The following TFAP2D variants were observed in gnomAD, a reference collection of about 807,000 sequenced individuals.
TFAP2D encodes transcription factor AP-2-delta.
Under a neutral mutation model 43.6 loss-of-function variants are expected in TFAP2D, and 9 were observed. That is an observed-to-expected ratio of 0.21 (90% confidence interval 0.12 to 0.36). TFAP2D has a LOEUF of 0.36. TFAP2D is among the 10% of genes least tolerant of loss of function. The pLI, the probability that TFAP2D is intolerant of heterozygous loss-of-function variation, is 1.00. For missense variants in TFAP2D, 513 were observed against 561.4 expected (o/e 0.91, Z 0.87); for synonymous variants, 256 against 224.9 (o/e 1.14, Z -1.24).
intron 7 of TFAP2D, among the ~76,000 whole-genome samples, chr6:50,763,605 C>T (rs965204989): frequency 9.9e-5 from 15 of 152,142 alleles, no homozygotes; most frequent in African/African-American, 3.6e-4. Context: ...AATACTAACA[C>T]TTCAGCTTTT....
In TFAP2D at chr6:50,743,336, A is replaced by C. The variant is rs547047187; in HGVS notation, c.884-1771A>C. ...CTAGAACAGGAGGTCTCACCTTGTG[A>C]GAATGAAAAAAATAGTATATTTTGT... On this transcript the variant is annotated intron_variant, in intron 5 of 7. Coordinates refer to ENST00000008391, the MANE Select transcript of TFAP2D (RefSeq NM_172238.4). Among the ~76,000 whole-genome samples, 3 of 151,324 alleles carry C rather than the reference A, an allele frequency of 2.0e-5. No individual in the cohort carries two copies. In the Admixed American group the frequency reaches 2.0e-4, roughly 10 times the overall value.
chr6:50,756,448 A>C (rs541776527), intron 7 of TFAP2D, among the ~76,000 whole-genome samples: 2 of 152,216 alleles, frequency 1.3e-5, no homozygotes, highest in African/African-American at 4.8e-5. Context: ...ACCACTTAAA[A>C]GTATACCTTA....
intron 5 of TFAP2D, among the ~76,000 whole-genome samples, chr6:50,744,686 GA>G (rs1424921337): frequency 2.6e-5 from 4 of 152,022 alleles, no homozygotes; most frequent in Non-Finnish European, 5.9e-5. Flanking sequence ...AGGTCTCATG[GA>G]AAAAACATCT....
intron 5 of TFAP2D, among the ~76,000 whole-genome samples, chr6:50,742,954 A>AACACACACACACACACACACAC (rs3060372): frequency 5.2e-4 from 73 of 139,704 alleles, no homozygotes; most frequent in South Asian, 2.5e-3. Flanking sequence ...ACGACTTTAA[A>AACACACACACACACACACACAC]ACACACACAC....
Position 50,733,022 on chromosome 6 carries a change from C to T in TFAP2D, c.883+3710C>T, listed in dbSNP as rs144391052. Among the ~76,000 whole-genome samples the T allele has an allele frequency of 5.1e-4, 77 of 151,898 alleles. 3 individuals carry two copies. The South Asian group carries it at 8.5e-3, about 17-fold the overall frequency. On this transcript the variant is annotated intron_variant, in intron 5 of 7. Coordinates refer to ENST00000008391, the MANE Select transcript of TFAP2D (RefSeq NM_172238.4). ...TTTGATGCAAATTTATACTATATTC[C>T]AATAATTCACAACTTTTCTGTTACA...
At chr6:50,731,186 C>T (rs1768887431) in intron 5 of TFAP2D, among the ~76,000 whole-genome samples, 1 of 152,020 alleles carries the variant, frequency 6.6e-6, no homozygotes, top group African/African-American at 2.4e-5. Flanking sequence ...CAAAAGTGCC[C>T]GACTTGTATT....
intron 7 of TFAP2D, among the ~76,000 whole-genome samples, chr6:50,766,591 T>G (rs2113894798): frequency 6.6e-6 from 1 of 151,542 alleles, no homozygotes; most frequent in South Asian, 2.1e-4. Context: ...TGGTTAAATT[T>G]ATTCCTAAGT....
rs1768566999 is a variant in TFAP2D at position 50,713,766 on chromosome 6, A to G, written c.-290A>G. On this transcript the variant is annotated 5_prime_UTR_variant, in exon 1 of 8. Coordinates refer to ENST00000008391, the MANE Select transcript of TFAP2D (RefSeq NM_172238.4). ...CTGATGCTTAATTTTCAAAACTTCT[A>G]TATTACCAAGGGACCTACGACATCA... 8.0e-6 allele frequency: 4 copies of G among 502,050 alleles called. No homozygotes were observed. Among genetic ancestry groups the G allele is most frequent in the South Asian group, 7.4e-5 (3 of 40,668 alleles). 31.1% of individuals were successfully genotyped at this position (502,050 alleles called of 1,614,324 possible). A position where few individuals can be genotyped will look rare whatever the true frequency, so the allele number is the denominator to read the frequency against.
At chr6:50,729,088 A>G (rs1768847641) in intron 4 of TFAP2D, 67 bp downstream of exon 4, 1 of 1,604,554 alleles carries the variant, frequency 6.2e-7, no homozygotes, top group Non-Finnish European at 8.5e-7. Context: ...ACCCTTAGTC[A>G]TGATGTCTTC....
At chr6:50,737,378 C>T (rs944237494) in intron 5 of TFAP2D, among the ~76,000 whole-genome samples, 8 of 152,118 alleles carry the variant, frequency 5.3e-5, no homozygotes, top group South Asian at 2.1e-4. Flanking sequence ...GAATTACCCA[C>T]GTTCCATCTA....
At chr6:50,750,513 T>C (rs1477667867) in intron 6 of TFAP2D, among the ~76,000 whole-genome samples, 2 of 151,946 alleles carry the variant, frequency 1.3e-5, no homozygotes, top group African/African-American at 4.8e-5. Flanking sequence ...TCATTTGGAG[T>C]GTACATCACA....
intron 3 of TFAP2D, among the ~76,000 whole-genome samples, chr6:50,724,768 G>C (rs932827450): frequency 6.6e-6 from 1 of 152,102 alleles, no homozygotes; most frequent in African/African-American, 2.4e-5. Flanking sequence ...GGCGGGGTGT[G>C]TGTGTGTGTG....
Position 50,772,806 on chromosome 6 carries a change from C to T in TFAP2D, c.1301C>T (p.Pro434Leu). 1 of 1,614,020 alleles carries T rather than the reference C, an allele frequency of 6.2e-7. No homozygotes were observed. Among genetic ancestry groups the T allele is most frequent in the Non-Finnish European group, 8.5e-7 (1 of 1,179,984 alleles). Residue 434 changes from proline (P) to leucine (L), a missense_variant, in exon 8 of 8, where the codon CCC (proline) becomes CTC (leucine). Pro to Leu is a moderately conservative substitution (Grantham distance 98). Around this residue, in one of 3 missense-constraint regions of TFAP2D, gnomAD observed 199 missense variants for 227.9 expected, o/e 0.87. Coordinates refer to ENST00000008391, the MANE Select transcript of TFAP2D (RefSeq NM_172238.4). ...GQGHANSEKA[P>L]LRKTSEAAVK... ...GGACATGCCAACTCGGAGAAAGCTC[C>T]CCTGCGGAAAACTTCAGAGGCTGCC... is the stretch of plus-strand genomic sequence containing the variant.
intron 6 of TFAP2D, among the ~76,000 whole-genome samples, chr6:50,750,966 G>A (rs1436301104): frequency 6.6e-6 from 1 of 151,814 alleles, no homozygotes; most frequent in African/African-American, 2.4e-5. Flanking sequence ...ATAAACATTG[G>A]TCTTATCAGT....
At chr6:50,737,391 A>G (rs752319561) in intron 5 of TFAP2D, among the ~76,000 whole-genome samples, 1 of 152,222 alleles carries the variant, frequency 6.6e-6, no homozygotes, top group Non-Finnish European at 1.5e-5. Flanking sequence ...TCCATCTACA[A>G]TAAACATTTG....
chr6:50,736,755 C>T (rs1312465340), intron 5 of TFAP2D, among the ~76,000 whole-genome samples: 1 of 152,102 alleles, frequency 6.6e-6, no homozygotes, highest in Non-Finnish European at 1.5e-5. Flanking sequence ...CCTGTTCCTA[C>T]TCATGGTGAC....
intron 5 of TFAP2D, among the ~76,000 whole-genome samples, chr6:50,730,937 A>G (rs148260894): frequency 9.7e-4 from 147 of 152,202 alleles, no homozygotes; most frequent in Middle Eastern, 6.8e-3. Flanking sequence ...AAAATTATCA[A>G]TCCCAGTAAA....
intron 7 of TFAP2D, among the ~76,000 whole-genome samples, chr6:50,761,260 G>C (rs2113892146): frequency 6.6e-6 from 1 of 151,130 alleles, no homozygotes. Context: ...AAAAAAGCTT[G>C]CTTGCTTTTT....
At chr6:50,740,273 T>C (rs1192571722) in intron 5 of TFAP2D, among the ~76,000 whole-genome samples, 1 of 152,218 alleles carries the variant, frequency 6.6e-6, no homozygotes, top group Non-Finnish European at 1.5e-5. Context: ...CAATTGTTTT[T>C]AAGGCAATAT....
Sources: gnomAD v4.1 joint callset for allele counts (sites outside exome capture counted in the v4.1 genomes callset) on GRCh38, gnomAD v4.1.1 for gene constraint, gnomAD v4.1.1 regional missense constraint, MANE v1.5 for transcripts, NCBI Gene and HGNC (gene_info 2026-07-23, HGNC 2026-07-21) for gene names.